The following ARRB1 variants were observed in gnomAD, a reference collection of about 807,000 sequenced individuals.
ARRB1 encodes the protein beta-arrestin-1.
A neutral mutation model predicts 56.8 loss-of-function variants in ARRB1; 21 were observed. That is an observed-to-expected ratio of 0.37 (90% CI 0.26 to 0.53). The LOEUF (loss-of-function observed/expected upper bound fraction) is 0.53. ARRB1 is among the 20% of genes least tolerant of loss of function. The pLI is 0.88. For missense variants in ARRB1, 424 were observed against 553.7 expected (o/e 0.77, Z 2.35); for synonymous variants, 210 against 218.6 (o/e 0.96, Z 0.35).
chr11:75,308,631 G>C (rs188010962), intron 1 of ARRB1, among the ~76,000 whole-genome samples: 4 of 152,200 alleles, frequency 2.6e-5, no homozygotes, highest in Admixed American at 1.3e-4. Context: ...TATAATGCCA[G>C]CTATTCGGGA....
intron 1 of ARRB1, among the ~76,000 whole-genome samples, chr11:75,350,096 A>G (rs1297677973): frequency 3.3e-5 from 5 of 152,256 alleles, no homozygotes; most frequent in African/African-American, 7.2e-5. Context: ...AAACATTAAG[A>G]GCCTGAGTTG....
intron 1 of ARRB1, among the ~76,000 whole-genome samples, chr11:75,291,153 G>T (rs1224213479): frequency 6.6e-6 from 1 of 152,014 alleles, no homozygotes; most frequent in Non-Finnish European, 1.5e-5. Context: ...CCTAACTAAT[G>T]TGGTGAAACC....
intron 1 of ARRB1, among the ~76,000 whole-genome samples, chr11:75,338,113 G>T (rs1367818107): frequency 6.6e-6 from 1 of 152,112 alleles, no homozygotes; most frequent in Non-Finnish European, 1.5e-5. Flanking sequence ...GGGACAGCTG[G>T]GAAAGGAGTG....
chr11:75,266,955 A>G (rs1945934720), intron 15 of ARRB1, among the ~76,000 whole-genome samples: 1 of 152,188 alleles, frequency 6.6e-6, no homozygotes, highest in African/African-American at 2.4e-5. Flanking sequence ...CTTTAAGAAC[A>G]GCGAGTTCCC....
At chr11:75,287,421 G>A (rs1178959540) in intron 2 of ARRB1, 46 bp from the exon 3 acceptor site, 2 of 1,541,584 alleles carry the variant, frequency 1.3e-6, no homozygotes, top group Admixed American at 2.0e-5. Context: ...CAGGCCCAGA[G>A]GACACAGGAC....
intron 1 of ARRB1, among the ~76,000 whole-genome samples, chr11:75,290,378 C>T (rs1402234759): frequency 3.3e-5 from 5 of 152,174 alleles, no homozygotes; most frequent in African/African-American, 7.2e-5. Context: ...CCTCACCTCC[C>T]GGTGTCACCT....
At chr11:75,311,418 G>A (rs1307869143) in intron 1 of ARRB1, among the ~76,000 whole-genome samples, 1 of 152,234 alleles carries the variant, frequency 6.6e-6, no homozygotes. Flanking sequence ...GGGATGGGCA[G>A]GGGGCTGTTG....
At chr11:75,284,305 GCC>G (rs746428343) in intron 3 of ARRB1, 26 bp from the exon 4 acceptor site, 1 of 1,596,278 alleles carries the variant, frequency 6.3e-7, no homozygotes, top group Non-Finnish European at 8.6e-7. Flanking sequence ...AGAGTAAGCG[GCC>G]TCTCCCAACC....
chr11:75,317,270 A>T (rs1396204218), intron 1 of ARRB1, among the ~76,000 whole-genome samples: 1 of 152,048 alleles, frequency 6.6e-6, no homozygotes, highest in Non-Finnish European at 1.5e-5. Context: ...CAGGAAGATG[A>T]GGCCCCCAAA....
intron 1 of ARRB1, among the ~76,000 whole-genome samples, chr11:75,327,307 A>AG (rs1947453364): frequency 6.7e-6 from 1 of 149,876 alleles, no homozygotes; most frequent in African/African-American, 2.4e-5. Flanking sequence ...ATCTCAAAAA[A>AG]AAAAAAAAAA....
At chr11:75,307,803 C>T (rs1219153688) in intron 1 of ARRB1, among the ~76,000 whole-genome samples, 1 of 151,766 alleles carries the variant, frequency 6.6e-6, no homozygotes, top group Non-Finnish European at 1.5e-5. Flanking sequence ...AGCTGTGTGT[C>T]TGGGCAGAGG....
At chr11:75,278,507 G>C (rs1316152812) in intron 8 of ARRB1, 102 bp downstream of exon 8, 1 of 1,510,590 alleles carries the variant, frequency 6.6e-7, no homozygotes, top group Non-Finnish European at 8.9e-7. Context: ...GGGGATAGAA[G>C]CTCCTACCTG....
In ARRB1 at chr11:75,260,124, C is replaced by T. The variant is rs985269222; in HGVS notation, c.*6039G>A. The T allele has an allele frequency of 1.2e-4, 18 of 152,242 alleles. No individual in the cohort carries two copies. The highest frequency in any genetic ancestry group is 9.2e-4 in the Admixed American group (14 of 15,282). The allele number at this position is 152,242 out of a possible 1,614,324, so 9.4% of individuals were successfully genotyped here. On this transcript the variant is annotated 3_prime_UTR_variant, in exon 16 of 16. Transcript: ENST00000420843. ...CAGAAATGAAAGCACAGCCAGCATC[C>T]TCTGCCACAAAAGACCTTTAATGGC...
At chr11:75,288,889 A>T (rs577673) in intron 2 of ARRB1, among the ~76,000 whole-genome samples, 1 of 152,070 alleles carries the variant, frequency 6.6e-6, no homozygotes, top group Non-Finnish European at 1.5e-5. Flanking sequence ...CACTGTGACC[A>T]GCCCTAAAAT....
At chr11:75,289,512 G>A (rs547659773) in intron 2 of ARRB1, among the ~76,000 whole-genome samples, 2 of 152,238 alleles carry the variant, frequency 1.3e-5, no homozygotes, top group African/African-American at 4.8e-5. Flanking sequence ...TGTCCCCGCC[G>A]GCTCAGCCCA....
intron 1 of ARRB1, among the ~76,000 whole-genome samples, chr11:75,291,031 C>T (rs941995435): frequency 6.6e-6 from 1 of 152,176 alleles, no homozygotes; most frequent in African/African-American, 2.4e-5. Context: ...ATCCCAAGCA[C>T]CCAGAACAGC....
At chr11:75,325,448 A>C (rs1437752343) in intron 1 of ARRB1, among the ~76,000 whole-genome samples, 1 of 152,120 alleles carries the variant, frequency 6.6e-6, no homozygotes, top group African/African-American at 2.4e-5. Flanking sequence ...CAGCCTCCTG[A>C]GTAGCTGGGA....
At chr11:75,331,441 G>A (rs979417345) in intron 1 of ARRB1, among the ~76,000 whole-genome samples, 1 of 152,094 alleles carries the variant, frequency 6.6e-6, no homozygotes, top group Non-Finnish European at 1.5e-5. Flanking sequence ...CCCGTGACCT[G>A]CACGTATACA....
chr11:75,344,997 G>A lies in ARRB1; in HGVS notation c.20+6591C>T, dbSNP rs9651737. 3.6e-3 allele frequency among the ~76,000 whole-genome samples: 554 copies of A among 152,336 alleles called. 2 individuals carry two copies. The highest frequency in any genetic ancestry group is 0.013 in the African/African-American group (533 of 41,570). On this transcript the variant is annotated intron_variant, in intron 1 of 15. Transcript: ENST00000420843. ...CCTGCCTCCCGCTGACTCGACATCA[G>A]TCACAGTGCTTCCAGTGCTGAAGGC...
Sources: allele counts gnomAD v4.1 joint callset (sites outside exome capture counted in the v4.1 genomes callset), GRCh38; gene constraint gnomAD v4.1.1; transcripts MANE v1.5; gene names NCBI Gene and HGNC (gene_info 2026-07-23, HGNC 2026-07-21).